The following GABRB2 variants were observed in gnomAD, a reference collection of about 807,000 sequenced individuals.
The protein encoded by GABRB2 is gamma-aminobutyric acid receptor subunit beta-2.
In GABRB2, 16 loss-of-function variants were observed where a neutral mutation model predicts 54.7. The ratio of observed to expected loss-of-function variants is 0.29; its 90% CI spans 0.20 to 0.44. GABRB2 has a LOEUF of 0.44. GABRB2 is among the 20% of genes least tolerant of loss of function. GABRB2 has a pLI of 1.00. For synonymous variants in GABRB2, 244 were observed against 233.8 expected (o/e 1.04, Z -0.40); for missense variants, 355 against 644.0 (o/e 0.55, Z 4.86).
At chr5:161,329,709 T>C (rs1738391349) in intron 8 of GABRB2, 1 of 152,082 alleles carries the variant, frequency 6.6e-6, no homozygotes, top group African/African-American at 2.4e-5. Flanking sequence ...TTCCAAATGG[T>C]TTAAGAGGAT....
intron 4 of GABRB2, among the ~76,000 whole-genome samples, chr5:161,436,843 A>G (rs1272175747): frequency 6.6e-6 from 1 of 152,094 alleles, no homozygotes; most frequent in Admixed American, 6.6e-5. Flanking sequence ...GGGAGAACAC[A>G]GCAATTTTGA....
intron 3 of GABRB2, among the ~76,000 whole-genome samples, chr5:161,472,470 A>T (rs1238430062): frequency 6.6e-6 from 1 of 150,384 alleles, no homozygotes; most frequent in Non-Finnish European, 1.5e-5. Context: ...ACACACACAC[A>T]CAGTCATATA....
chr5:161,294,105 G>C lies in GABRB2; in HGVS notation c.1515C>G (p.Val505=). The part of the protein sequence containing the change: ...FPVVFSFFNI[V]YWLYYVN Reference sequence around the variant, plus strand: ...TTTAGTTCACATAATAAAGCCAATAGACGATGTTGAAGAAGGAAAAAACCA... The same window carrying C: ...TTTAGTTCACATAATAAAGCCAATACACGATGTTGAAGAAGGAAAAAACCA... The change falls in exon 10 of 10, where the codon GTC becomes GTG. Residue 505 remains valine (V), a synonymous_variant. Transcript: ENST00000393959. 6.2e-7 allele frequency: 1 copy of C among 1,613,354 alleles called. No homozygotes were observed. The highest frequency in any genetic ancestry group is 1.1e-5 in the South Asian group (1 of 91,074).
At chr5:161,354,484 T>C (rs1324491828) in intron 5 of GABRB2, among the ~76,000 whole-genome samples, 1 of 152,056 alleles carries the variant, frequency 6.6e-6, no homozygotes, top group African/African-American at 2.4e-5. Context: ...GCAACTTCTA[T>C]GGGCTCTACC....
chr5:161,442,324 T>A (rs926424403), intron 4 of GABRB2, among the ~76,000 whole-genome samples: 4 of 152,144 alleles, frequency 2.6e-5, no homozygotes, highest in African/African-American at 7.2e-5. Context: ...AAGAAACATG[T>A]AAGTAAGTAA....
At chr5:161,468,260 G>A (rs75615612) in intron 3 of GABRB2, among the ~76,000 whole-genome samples, 1,824 of 152,126 alleles carry the variant, frequency 0.012, 38 homozygotes, top group African/African-American at 0.04. Context: ...AGCTTATTAC[G>A]ATGGCCTTTA....
intron 9 of GABRB2, among the ~76,000 whole-genome samples, chr5:161,297,196 GA>G (rs1757403542): frequency 6.6e-6 from 1 of 152,084 alleles, no homozygotes. Flanking sequence ...GAGGTGTATT[GA>G]ACACCTGTAT....
chr5:161,445,438 A>C (rs569724930), intron 4 of GABRB2, among the ~76,000 whole-genome samples: 22 of 152,124 alleles, frequency 1.4e-4, no homozygotes, highest in Admixed American at 6.6e-4. Context: ...AATCCCCACC[A>C]TCTGAATGGA....
chr5:161,471,156 G>A (rs561533589), intron 3 of GABRB2, among the ~76,000 whole-genome samples: 117 of 151,962 alleles, frequency 7.7e-4, no homozygotes, highest in African/African-American at 2.8e-3. Context: ...ACCAACCAAG[G>A]TCCCACAGCT....
chr5:161,357,719 T>A (rs866273948), intron 5 of GABRB2, among the ~76,000 whole-genome samples: 1 of 151,952 alleles, frequency 6.6e-6, no homozygotes, highest in East Asian at 1.9e-4. Flanking sequence ...AATGATGGAA[T>A]TTTATAAATA....
At chr5:161,453,594 G>T (rs1200046587) in intron 4 of GABRB2, among the ~76,000 whole-genome samples, 4 of 152,136 alleles carry the variant, frequency 2.6e-5, no homozygotes, top group African/African-American at 9.7e-5. Flanking sequence ...GCAGAACTGT[G>T]AGAAATAATT....
At position 161,330,910 on chromosome 5, in the gene GABRB2, A is replaced by G; in HGVS notation, c.1050T>C (p.Asn350=). The G allele has an allele frequency of 6.2e-7, 1 of 1,614,166 alleles. No individual in the cohort carries two copies. Among genetic ancestry groups the G allele is most frequent in the Non-Finnish European group, 8.5e-7 (1 of 1,180,026 alleles). ...KAAEKAASAN[N]EKMRLDVNKI... ...TGTTGACATCCAGGCGCATCTTCTC[A>G]TTGTTGGCACTGGCAGCCTTCTCAG... is the stretch of plus-strand genomic sequence containing the variant. Residue 350 remains asparagine, a synonymous_variant, in exon 8 of 10, where the codon AAT becomes AAC. Transcript: ENST00000393959.
At chr5:161,405,310 C>G (rs1258594676) in intron 5 of GABRB2, among the ~76,000 whole-genome samples, 3 of 151,972 alleles carry the variant, frequency 2.0e-5, no homozygotes, top group South Asian at 4.2e-4. Flanking sequence ...AAATGTAACT[C>G]TAACTGAGCA....
chr5:161,294,289 G>A lies in GABRB2; in HGVS notation c.1331C>T (p.Ala444Val), dbSNP rs748111065. 2 of 1,614,140 alleles carry A rather than the reference G, an allele frequency of 1.2e-6. No individual in the cohort carries two copies. The highest frequency in any genetic ancestry group is 8.5e-7 in the Non-Finnish European group (1 of 1,180,012). ...YDASSIQYRK[A>V]GLPRHSFGRN... is the part of the protein sequence containing the mutation. ...GCCAAAACTATGCCTGGGCAACCCA[G>A]CTTTCCGATACTGGATGCTGGAGGC... Residue 444 changes from alanine to valine, a missense_variant, in exon 10 of 10, where the codon GCT becomes GTT. By Grantham distance (64) the Ala-to-Val change is moderately conservative. Around this residue, in one of 6 missense-constraint regions of GABRB2, gnomAD observed 201 missense variants for 228.1 expected, o/e 0.88. Transcript: ENST00000393959.
chr5:161,481,392 T>C (rs1465428444), intron 3 of GABRB2, among the ~76,000 whole-genome samples: 1 of 152,054 alleles, frequency 6.6e-6, no homozygotes, highest in Non-Finnish European at 1.5e-5. Context: ...TCATACGTAC[T>C]ACTGAAAAGA....
chr5:161,382,978 C>T (rs1370422239), intron 5 of GABRB2, among the ~76,000 whole-genome samples: 1 of 152,160 alleles, frequency 6.6e-6, no homozygotes, highest in East Asian at 1.9e-4. Context: ...CTTGGATGGA[C>T]ATCAATAAAT....
At position 161,345,985 on chromosome 5, in the gene GABRB2, C is replaced by T. The variant is rs530482342; in HGVS notation, c.542-9216G>A. 8.5e-4 allele frequency among the ~76,000 whole-genome samples: 130 copies of T among 152,172 alleles called. 1 individual carries two copies. The highest frequency in any genetic ancestry group is 2.9e-4 in the Non-Finnish European group (20 of 67,984). Reference sequence around the variant, plus strand: ...AATATAGTGATGAGCAGATGTCATTCGCAGAATTGCAAGGTAGTCGGATTG... The same window carrying T: ...AATATAGTGATGAGCAGATGTCATTTGCAGAATTGCAAGGTAGTCGGATTG... On this transcript the variant is annotated intron_variant, in intron 5 of 9. Transcript: ENST00000393959.
intron 8 of GABRB2, among the ~76,000 whole-genome samples, chr5:161,328,314 A>G (rs1753715150): frequency 6.6e-6 from 1 of 152,216 alleles, no homozygotes; most frequent in Admixed American, 6.5e-5. Context: ...TATTTTAAAA[A>G]GTAATAATGC....
At chr5:161,473,782 G>A (rs1758513854) in intron 3 of GABRB2, among the ~76,000 whole-genome samples, 1 of 151,876 alleles carries the variant, frequency 6.6e-6, no homozygotes, top group African/African-American at 2.4e-5. Context: ...GGTGCTAAGT[G>A]GCACCTCAGT....
Sources: allele counts gnomAD v4.1 joint callset (sites outside exome capture counted in the v4.1 genomes callset), GRCh38; gene constraint gnomAD v4.1.1; regional missense constraint gnomAD v4.1.1; transcripts MANE v1.5; gene names NCBI Gene and HGNC (gene_info 2026-07-23, HGNC 2026-07-21).